Variants in SLC35F1 observed in about 807,000 individuals in gnomAD.
The protein encoded by SLC35F1 is solute carrier family 35 member F1, also known as chromosome 6 open reading frame 169.
In SLC35F1, 14 loss-of-function variants were observed where a neutral mutation model predicts 48.7. The observed-to-expected ratio is 0.29, with a 90% CI of 0.19 to 0.45. The LOEUF is 0.45. SLC35F1 is among the 20% of genes least tolerant of loss of function. The pLI, the probability that SLC35F1 is intolerant of heterozygous loss-of-function variation, is 1.00. For missense variants in SLC35F1, 404 were observed against 500.0 expected (o/e 0.81, Z 1.83); for synonymous variants, 190 against 202.2 (o/e 0.94, Z 0.51).
chr6:118,086,434 C>T (rs6568998), intron 1 of SLC35F1, among the ~76,000 whole-genome samples: 145,981 of 152,294 alleles, frequency 0.96, 70,296 homozygotes, highest in East Asian at 1. Context: ...TGAACTCACT[C>T]AGAGCAGCCA....
intron 1 of SLC35F1, among the ~76,000 whole-genome samples, chr6:118,100,805 A>G (rs919110895): frequency 6.6e-6 from 1 of 152,194 alleles, no homozygotes; most frequent in Non-Finnish European, 1.5e-5. Context: ...CAGGGCCTAT[A>G]TCATGTGGTA....
At chr6:118,048,083 T>C (rs1772326696) in intron 1 of SLC35F1, among the ~76,000 whole-genome samples, 1 of 152,224 alleles carries the variant, frequency 6.6e-6, no homozygotes. Flanking sequence ...TGAGAGTTTT[T>C]AGCATGAAGC....
intron 1 of SLC35F1, among the ~76,000 whole-genome samples, chr6:117,976,200 T>C (rs965785869): frequency 3.3e-5 from 5 of 152,318 alleles, no homozygotes; most frequent in African/African-American, 2.4e-5. Flanking sequence ...CAGCTTCAAA[T>C]GTATTTTAAG....
intron 1 of SLC35F1, among the ~76,000 whole-genome samples, chr6:117,940,176 C>G (rs1038648769): frequency 4.6e-5 from 7 of 152,166 alleles, no homozygotes; most frequent in Admixed American, 2.0e-4. Flanking sequence ...TCTTTCTGTG[C>G]TGATTGCTTT....
At chr6:118,198,687 TA>T in intron 2 of SLC35F1, among the ~76,000 whole-genome samples, 1 of 152,332 alleles carries the variant, frequency 6.6e-6, no homozygotes, top group South Asian at 2.1e-4. Flanking sequence ...AGAGCTGAAA[TA>T]TATACCCATA....
chr6:118,248,400 C>T (rs1234718309), intron 3 of SLC35F1, among the ~76,000 whole-genome samples: 1 of 152,120 alleles, frequency 6.6e-6, no homozygotes, highest in Non-Finnish European at 1.5e-5. Context: ...CATGATGTTG[C>T]TATGGTGAGA....
chr6:117,934,085 A>G (rs1776135351), intron 1 of SLC35F1, among the ~76,000 whole-genome samples: 1 of 152,110 alleles, frequency 6.6e-6, no homozygotes, highest in Admixed American at 6.6e-5. Flanking sequence ...TGCAAAGGGA[A>G]TGAGCCGCTG....
At chr6:117,997,248 A>G (rs896639476) in intron 1 of SLC35F1, among the ~76,000 whole-genome samples, 6 of 152,286 alleles carry the variant, frequency 3.9e-5, no homozygotes, top group Non-Finnish European at 8.8e-5. Context: ...GAAACAAACA[A>G]AGCCTCCAAG....
chr6:118,155,595 C>A (rs758243621), intron 2 of SLC35F1, among the ~76,000 whole-genome samples: 2 of 152,140 alleles, frequency 1.3e-5, no homozygotes, highest in African/African-American at 2.4e-5. Flanking sequence ...AGAAATAAAT[C>A]TCTGTTCTTT....
At chr6:118,184,838 C>A (rs1274635586) in intron 2 of SLC35F1, among the ~76,000 whole-genome samples, 1 of 152,166 alleles carries the variant, frequency 6.6e-6, no homozygotes, top group Middle Eastern at 3.2e-3. Context: ...ACCTCAGTCA[C>A]ATTTAGGGCT....
intron 3 of SLC35F1, among the ~76,000 whole-genome samples, chr6:118,257,269 G>T (rs1274492194): frequency 6.6e-6 from 1 of 152,050 alleles, no homozygotes; most frequent in African/African-American, 2.4e-5. Flanking sequence ...TTTACCACTT[G>T]GTGGAGTTGT....
At chr6:118,064,704 A>C (rs1772589089) in intron 1 of SLC35F1, among the ~76,000 whole-genome samples, 1 of 152,166 alleles carries the variant, frequency 6.6e-6, no homozygotes, top group Non-Finnish European at 1.5e-5. Flanking sequence ...TAAAGCCAAA[A>C]TTCTGAGCTT....
chr6:117,971,666 C>T (rs1340731404), intron 1 of SLC35F1, among the ~76,000 whole-genome samples: 2 of 152,270 alleles, frequency 1.3e-5, no homozygotes. Flanking sequence ...GACTTGTATG[C>T]ACCTGCAGGC....
intron 1 of SLC35F1, among the ~76,000 whole-genome samples, chr6:117,946,428 T>C (rs1276769174): frequency 6.6e-6 from 1 of 152,204 alleles, no homozygotes; most frequent in Non-Finnish European, 1.5e-5. Context: ...TTTTGAGAGA[T>C]TGATGCATCT....
At chr6:117,965,983 C>T (rs1055392543) in intron 1 of SLC35F1, among the ~76,000 whole-genome samples, 11 of 150,182 alleles carry the variant, frequency 7.3e-5, no homozygotes, top group African/African-American at 2.7e-4. Flanking sequence ...GTAAACGCAC[C>T]AGTCAGCACT....
chr6:118,266,280 C>T (rs1374222245), intron 3 of SLC35F1, among the ~76,000 whole-genome samples: 1 of 152,104 alleles, frequency 6.6e-6, no homozygotes, highest in Non-Finnish European at 1.5e-5. Context: ...TTTGGACTTA[C>T]ATGTCAGATG....
At chr6:118,247,670 A>ATTTAT (rs1562338697) in intron 3 of SLC35F1, among the ~76,000 whole-genome samples, 6 of 151,932 alleles carry the variant, frequency 3.9e-5, no homozygotes, top group African/African-American at 1.5e-4. Flanking sequence ...GTGAAGAGTG[A>ATTTAT]AACACTTCTG....
chr6:118,182,607 T>C (rs150907049), intron 2 of SLC35F1, among the ~76,000 whole-genome samples: 7 of 151,586 alleles, frequency 4.6e-5, no homozygotes, highest in African/African-American at 1.7e-4. Context: ...GGCTCACTCC[T>C]GAAATCTCAA....
At chr6:118,303,895 G>A (rs1442814431) in intron 7 of SLC35F1, among the ~76,000 whole-genome samples, 2 of 152,154 alleles carry the variant, frequency 1.3e-5, no homozygotes, top group African/African-American at 2.4e-5. Flanking sequence ...TAGGGGTTAG[G>A]CTTCAACATA....
Sources: gnomAD v4.1 joint callset for allele counts (sites outside exome capture counted in the v4.1 genomes callset) on GRCh38, gnomAD v4.1.1 for gene constraint, MANE v1.5 for transcripts, NCBI Gene and HGNC (gene_info 2026-07-23, HGNC 2026-07-21) for gene names.